The following MAP3K13 variants were observed in gnomAD, a reference collection of about 807,000 sequenced individuals.
MAP3K13 encodes the protein leucine zipper-bearing kinase.
A neutral mutation model predicts 104.0 loss-of-function variants in MAP3K13; 52 were observed. The ratio of observed to expected loss-of-function variants is 0.50; its 90% CI spans 0.40 to 0.63. The LOEUF (loss-of-function observed/expected upper bound fraction) is 0.63. MAP3K13 is among the 20% of genes least tolerant of loss of function. The probability of loss-of-function intolerance (pLI) is 0.00; values close to 1 mark genes in which losing one functional copy is unlikely to be tolerated. For synonymous variants in MAP3K13, 394 were observed against 442.2 expected (o/e 0.89, Z 1.37); for missense variants, 914 against 1,218.5 (o/e 0.75, Z 3.72).
chr3:185,432,680 G>A (rs1243346523), intron 2 of MAP3K13, among the ~76,000 whole-genome samples: 1 of 152,006 alleles, frequency 6.6e-6, no homozygotes, highest in Non-Finnish European at 1.5e-5. Context: ...AATGAGGGGC[G>A]ATTCACCCAG....
Position 185,423,223 on chromosome 3 carries a change from T to G in MAP3K13, c.-85-5274T>G, listed in dbSNP as rs891493204. On this transcript the variant is annotated intron_variant, in intron 1 of 13. Transcript: ENST00000265026. This position sits in a 1 kb window ranked among gnomAD's most constrained non-coding sequence, Gnocchi z 4.1. ...TACATGTAATGCACTTGAACCATCT[T>G]GAAACCATCCCCCCTGCCTGGTCCG... Among the ~76,000 whole-genome samples, 1 of 152,182 alleles carries G rather than the reference T, an allele frequency of 6.6e-6. No homozygotes were observed. Among genetic ancestry groups the G allele is most frequent in the Non-Finnish European group, 1.5e-5 (1 of 68,036 alleles).
chr3:185,292,176 G>A (rs1485698291), intron 2 of MAP3K13: 1 of 174,260 alleles, frequency 5.7e-6, no homozygotes, highest in African/African-American at 2.4e-5. Flanking sequence ...ATGGTGGCAG[G>A]CGCCTGTAAT....
intron 1 of MAP3K13, among the ~76,000 whole-genome samples, chr3:185,387,573 A>G (rs1438231810): frequency 6.6e-6 from 1 of 152,176 alleles, no homozygotes; most frequent in Non-Finnish European, 1.5e-5. Context: ...AAGACACCAT[A>G]TGATCACCTC....
chr3:185,460,829 C>T (rs983720648), intron 7 of MAP3K13, among the ~76,000 whole-genome samples: 5 of 152,044 alleles, frequency 3.3e-5, no homozygotes, highest in South Asian at 2.1e-4. Flanking sequence ...TTGAGTTTCC[C>T]GTAATTATAA....
At chr3:185,377,099 T>C (rs1724465664) in intron 1 of MAP3K13, among the ~76,000 whole-genome samples, 1 of 152,024 alleles carries the variant, frequency 6.6e-6, no homozygotes, top group Admixed American at 6.6e-5. Flanking sequence ...TTTGGCATCA[T>C]GGGGTGCATA....
At chr3:185,426,637 T>G (rs1442669648) in intron 1 of MAP3K13, among the ~76,000 whole-genome samples, 1 of 152,204 alleles carries the variant, frequency 6.6e-6, no homozygotes, top group African/African-American at 2.4e-5. Flanking sequence ...TCTTTCTGCA[T>G]GCACTTATAT....
intron 2 of MAP3K13, among the ~76,000 whole-genome samples, chr3:185,308,009 C>CTTTTTTTTTTTTTTTTTTT (rs33949195): frequency 3.2e-5 from 1 of 31,564 alleles, no homozygotes; most frequent in Non-Finnish European, 5.7e-5. Context: ...TCTTTGGGGT[C>CTTTTTTTTTTTTTTTTTTT]TTTTTTTTTT....
intron 2 of MAP3K13, among the ~76,000 whole-genome samples, chr3:185,430,606 C>A (rs1714687076): frequency 6.6e-6 from 1 of 152,142 alleles, no homozygotes; most frequent in Non-Finnish European, 1.5e-5. Context: ...CTGACTCTGT[C>A]CATGTCCTCG....
chr3:185,330,123 G>C (rs941480700), intron 2 of MAP3K13, among the ~76,000 whole-genome samples: 4 of 142,728 alleles, frequency 2.8e-5, no homozygotes, highest in African/African-American at 8.0e-5. Context: ...GGATGGTCTC[G>C]ATCTCCTGAC....
In MAP3K13 at chr3:185,428,710, C is replaced by G. The variant is rs769649241; in HGVS notation, c.129C>G (p.Leu43=). 1.9e-6 allele frequency: 3 copies of G among 1,614,146 alleles called. No homozygotes were observed. The highest frequency in any genetic ancestry group is 2.5e-6 in the Non-Finnish European group (3 of 1,180,016). ...GGAACCACCCTTCTCCCAAGCTGCT[C>G]GAGGACCAGCAGGAAAAGGGGATGG... ...AMGNHPSPKL[L]EDQQEKGMVR... The change falls in exon 2 of 14, where the codon CTC becomes CTG. Residue 43 remains leucine, a synonymous_variant. Coordinates refer to ENST00000265026, the MANE Select transcript of MAP3K13 (RefSeq NM_004721.5).
rs139259011 is a variant in MAP3K13 at position 185,306,644 on chromosome 3, T to G, written c.-86+21001T>G. Among the ~76,000 whole-genome samples, 322 of 152,302 alleles carry G rather than the reference T, an allele frequency of 2.1e-3. 2 individuals are homozygous for G. Among genetic ancestry groups the G allele is most frequent in the African/African-American group, 7.0e-3 (293 of 41,568 alleles). The stretch of plus-strand genomic sequence containing the variant: ...ATGGGGTTATTTGACTTTTGCTTGT[T>G]GAATTCTTTAAGTTCCTTATAGATT... On this transcript the variant is annotated intron_variant, in intron 2 of 14. Transcript: ENST00000424227.
intron 12 of MAP3K13, among the ~76,000 whole-genome samples, chr3:185,480,000 C>T (rs1718351631): frequency 6.6e-6 from 1 of 152,192 alleles, no homozygotes; most frequent in African/African-American, 2.4e-5. Flanking sequence ...GCCCTATCTC[C>T]GAATACAGTC....
chr3:185,455,475 C>A, intron 7 of MAP3K13, among the ~76,000 whole-genome samples: 1 of 55,358 alleles, frequency 1.8e-5, no homozygotes, highest in Non-Finnish European at 3.3e-5. Context: ...GAGATATATA[C>A]ATGATATATA....
rs539917329 is a variant in MAP3K13, at chr3:185,287,991, C to T, written c.-86+2348C>T. 4.6e-5 allele frequency among the ~76,000 whole-genome samples: 7 copies of T among 152,282 alleles called. No homozygotes were observed. In the East Asian group the frequency reaches 5.8e-4, roughly 13 times the overall value. ...GGCAGAGGTTGCTGTGAGCCAAGATCGCGCCATTGGACTCCATCCTGGGCA... is the reference window on the plus strand; with the variant it reads ...GGCAGAGGTTGCTGTGAGCCAAGATTGCGCCATTGGACTCCATCCTGGGCA... On this transcript the variant is annotated intron_variant, in intron 2 of 14. Coordinates refer to the MAP3K13 transcript ENST00000424227.
At chr3:185,309,194 C>T (rs1721409081) in intron 2 of MAP3K13, among the ~76,000 whole-genome samples, 2 of 152,080 alleles carry the variant, frequency 1.3e-5, no homozygotes, top group Admixed American at 1.3e-4. Flanking sequence ...ACTGAACCTA[C>T]AATAACTTCC....
Position 185,480,439 on chromosome 3 carries a change from G to A in MAP3K13, c.2709G>A (p.Ser903=), listed in dbSNP as rs777826535. 33 of 1,614,050 alleles carry A rather than the reference G, an allele frequency of 2.0e-5. No homozygotes were observed. The highest frequency in any genetic ancestry group is 1.8e-4 in the Admixed American group (11 of 59,988). Residue 903 remains serine (S), a synonymous_variant, in exon 13 of 14, where the codon TCG becomes TCA. Coordinates refer to ENST00000265026, the MANE Select transcript of MAP3K13 (RefSeq NM_004721.5). ...TTCCCATTGACATATCCTCACACTC[G>A]GATGGGCTCTCTGACAAGGAGTGTG... ...PEIPIDISSH[S]DGLSDKECAV...
chr3:185,359,963 A>G (rs1431136410), upstream of MAP3K13, among the ~76,000 whole-genome samples: 1 of 151,966 alleles, frequency 6.6e-6, no homozygotes, highest in Non-Finnish European at 1.5e-5. Context: ...CTCCAAAACA[A>G]GAATAGCTTA....
intron 1 of MAP3K13, among the ~76,000 whole-genome samples, chr3:185,368,717 G>A (rs1466090005): frequency 2.0e-5 from 3 of 152,174 alleles, no homozygotes; most frequent in East Asian, 1.9e-4. Context: ...AGCACTCTGA[G>A]AGGCCAAGGC....
chr3:185,464,042 G>T (rs183335861), intron 8 of MAP3K13, among the ~76,000 whole-genome samples: 1 of 152,298 alleles, frequency 6.6e-6, no homozygotes, highest in Non-Finnish European at 1.5e-5. Context: ...CCAGCACTTT[G>T]GGAGGCCAAG....
Sources: allele counts gnomAD v4.1 joint callset (sites outside exome capture counted in the v4.1 genomes callset), GRCh38; gene constraint gnomAD v4.1.1; non-coding constraint Gnocchi (gnomAD v3.1); transcripts MANE v1.5; gene names NCBI Gene and HGNC (gene_info 2026-07-23, HGNC 2026-07-21).